OLFM2: variants seen among roughly 807,000 people sequenced by gnomAD.
OLFM2 encodes olfactomedin 2.
In OLFM2, 20 loss-of-function variants were observed where a neutral mutation model predicts 43.9. The ratio of observed to expected loss-of-function variants is 0.46; its 90% CI spans 0.32 to 0.66. OLFM2 has a LOEUF of 0.66. Among genes scored for constraint, OLFM2 ranks in the 30% least tolerant of loss-of-function variants. The pLI is 0.04. For synonymous variants in OLFM2, 268 were observed against 278.6 expected (o/e 0.96, Z 0.38); for missense variants, 416 against 643.6 (o/e 0.65, Z 3.83).
At chr19:9,876,271 T>C (rs577223395) in intron 1 of OLFM2, among the ~76,000 whole-genome samples, 182 of 152,238 alleles carry the variant, frequency 1.2e-3, no homozygotes, top group Non-Finnish European at 2.3e-3. Flanking sequence ...CGTCCGCGTG[T>C]GGAAAAGGTC....
chr19:9,895,773 T>C, intron 1 of OLFM2, among the ~76,000 whole-genome samples: 1 of 151,878 alleles, frequency 6.6e-6, no homozygotes, highest in East Asian at 2.0e-4. Flanking sequence ...GTAGCTGGGA[T>C]TACAGGCCCA....
In OLFM2 at chr19:9,873,311, G is replaced by A. The variant is rs1337324040; in HGVS notation, c.64-12517C>T. On this transcript the variant is annotated intron_variant, in intron 1 of 5. Coordinates refer to ENST00000264833, the MANE Select transcript of OLFM2 (RefSeq NM_058164.4). ...TGGGACTACAGGTGCACACCACCACGCCAGGCTAATTTTTGTATTTTTTGT... is the reference window on the plus strand; with the variant it reads ...TGGGACTACAGGTGCACACCACCACACCAGGCTAATTTTTGTATTTTTTGT... Among the ~76,000 whole-genome samples, 3 of 152,134 alleles carry A rather than the reference G, an allele frequency of 2.0e-5. 1 individual carries two copies. Among genetic ancestry groups the A allele is most frequent in the South Asian group, 4.2e-4 (2 of 4,806 alleles).
chr19:9,890,627 T>C (rs1172872119), intron 1 of OLFM2, among the ~76,000 whole-genome samples: 1 of 152,208 alleles, frequency 6.6e-6, no homozygotes, highest in African/African-American at 2.4e-5. Flanking sequence ...CAATGCCTTT[T>C]AAACGGCAGT....
At chr19:9,914,113 C>T (rs1199293556) in intron 1 of OLFM2, among the ~76,000 whole-genome samples, 1 of 150,344 alleles carries the variant, frequency 6.7e-6, no homozygotes, top group South Asian at 2.1e-4. Context: ...AGGCGGTGTT[C>T]CCGGACCGCC....
chr19:9,873,020 A>G (rs148604065), intron 1 of OLFM2, among the ~76,000 whole-genome samples: 2 of 152,324 alleles, frequency 1.3e-5, no homozygotes, highest in Admixed American at 1.3e-4. Context: ...ATCTCATGGT[A>G]GGTACTAACA....
intron 1 of OLFM2, among the ~76,000 whole-genome samples, chr19:9,893,631 T>A (rs551125599): frequency 3.3e-5 from 5 of 152,266 alleles, no homozygotes; most frequent in African/African-American, 1.2e-4. Context: ...TGGCAGAAAT[T>A]TCCCCTTCCT....
chr19:9,895,669 T>C (rs1250963565), intron 1 of OLFM2, among the ~76,000 whole-genome samples: 1 of 152,150 alleles, frequency 6.6e-6, no homozygotes, highest in Admixed American at 6.6e-5. Context: ...CGAGTCTCGC[T>C]CTGTCGTCCA....
At chr19:9,898,883 A>G (rs1025006204) in intron 1 of OLFM2, among the ~76,000 whole-genome samples, 2 of 151,846 alleles carry the variant, frequency 1.3e-5, no homozygotes, top group Non-Finnish European at 2.9e-5. Flanking sequence ...TTCTGATTCT[A>G]CTCTCACTTC....
intron 1 of OLFM2, among the ~76,000 whole-genome samples, chr19:9,932,945 C>T (rs2086492450): frequency 6.6e-6 from 1 of 152,142 alleles, no homozygotes; most frequent in South Asian, 2.1e-4. Context: ...CTCTCTGGGT[C>T]AAATCCAAAC....
chr19:9,923,234 T>C (rs2086431340), intron 1 of OLFM2, among the ~76,000 whole-genome samples: 2 of 152,020 alleles, frequency 1.3e-5, no homozygotes, highest in South Asian at 2.1e-4. Flanking sequence ...ACATGCACAG[T>C]GATAATTTTT....
intron 1 of OLFM2, among the ~76,000 whole-genome samples, chr19:9,910,639 G>A (rs1302930365): frequency 2.6e-5 from 4 of 152,130 alleles, no homozygotes; most frequent in African/African-American, 4.8e-5. Flanking sequence ...TGGAAGGATG[G>A]ATGCACAGAG....
At chr19:9,897,112 T>G (rs1391855466) in intron 1 of OLFM2, among the ~76,000 whole-genome samples, 2 of 152,078 alleles carry the variant, frequency 1.3e-5, no homozygotes, top group East Asian at 3.9e-4. Context: ...GCAGATCACC[T>G]GAGGTCAGGA....
intron 1 of OLFM2, among the ~76,000 whole-genome samples, chr19:9,861,258 T>C (rs868422210): frequency 2.0e-4 from 30 of 151,050 alleles, no homozygotes; most frequent in Middle Eastern, 3.2e-3. Flanking sequence ...AGACACAGTC[T>C]TGCCCTGTCA....
In OLFM2 at chr19:9,857,976, C is replaced by G; in HGVS notation, c.214-115G>C. ...CTGTACAAACACCACACCGACGAGG[C>G]CACCTTCTCCTCCCCTGAGCTTACC... On this transcript the variant is annotated intron_variant, in intron 2 of 5. Coordinates refer to ENST00000264833, the MANE Select transcript of OLFM2 (RefSeq NM_058164.4). This position sits in a 1 kb window ranked among gnomAD's most constrained non-coding sequence, Gnocchi z 5.7. 1 of 1,290,942 alleles carries G rather than the reference C, an allele frequency of 7.7e-7. No individual in the cohort carries two copies. The highest frequency in any genetic ancestry group is 1.1e-6 in the Non-Finnish European group (1 of 905,982). 80.0% of individuals were successfully genotyped at this position (1,290,942 alleles called of 1,614,324 possible). A position where few individuals can be genotyped will look rare whatever the true frequency, so the allele number is the denominator to read the frequency against.
At position 9,928,675 on chromosome 19, in the gene OLFM2, C is replaced by T. The variant is rs1302173216; in HGVS notation, c.63+7629G>A. Among the ~76,000 whole-genome samples, 6 of 152,000 alleles carry T rather than the reference C, an allele frequency of 3.9e-5. No individual in the cohort carries two copies. In the East Asian group the frequency reaches 7.8e-4, roughly 20 times the overall value. On this transcript the variant is annotated intron_variant, in intron 1 of 5. Transcript: ENST00000264833. ...CAAAAACTAGCCAGGCATGGTGGTG[C>T]ACGCCTGTAGTCCCAGCTACTTGGG...
At chr19:9,933,138 G>T (rs2086494103) in intron 1 of OLFM2, among the ~76,000 whole-genome samples, 1 of 152,032 alleles carries the variant, frequency 6.6e-6, no homozygotes, top group South Asian at 2.1e-4. Flanking sequence ...CACCCACAAG[G>T]CTCCCTCTCT....
In OLFM2 at chr19:9,854,178, G is replaced by T. The variant is rs2046294311; in HGVS notation, c.*8C>A. 1 of 1,613,994 alleles carries T rather than the reference G, an allele frequency of 6.2e-7. No homozygotes were observed. Among genetic ancestry groups the T allele is most frequent in the Non-Finnish European group, 8.5e-7 (1 of 1,179,892 alleles). On this transcript the variant is annotated 3_prime_UTR_variant, in exon 6 of 6. Transcript: ENST00000264833. The surrounding 1 kb of genome is among the most constrained non-coding windows in gnomAD (Gnocchi z 9.5). ...CCCCCAGGCAGCAGCCCGAGCCACA[G>T]CATTGGCTCAGGGGTCCCCAGAGGT...
At chr19:9,863,886 G>A (rs571091726) in intron 1 of OLFM2, among the ~76,000 whole-genome samples, 7 of 152,284 alleles carry the variant, frequency 4.6e-5, no homozygotes, top group Non-Finnish European at 7.3e-5. Context: ...GTCATTCTTC[G>A]AGCCTTTGTA....
intron 2 of OLFM2, among the ~76,000 whole-genome samples, chr19:9,859,694 CCTT>C (rs764907598): frequency 6.6e-6 from 1 of 152,306 alleles, no homozygotes; most frequent in African/African-American, 2.4e-5. Context: ...GCACAGAACT[CCTT>C]CTTAGTAGGT....
Sources: gnomAD v4.1 joint callset for allele counts (sites outside exome capture counted in the v4.1 genomes callset) on GRCh38, gnomAD v4.1.1 for gene constraint, Gnocchi (gnomAD v3.1) non-coding constraint, MANE v1.5 for transcripts, NCBI Gene and HGNC (gene_info 2026-07-23, HGNC 2026-07-21) for gene names.